The following CTDP1 variants were observed in gnomAD, a reference collection of about 807,000 sequenced individuals.
The protein encoded by CTDP1 is CTD phosphatase 1.
CTDP1 carries 47 observed loss-of-function variants against 91.8 expected under a neutral mutation model. The ratio of observed to expected loss-of-function variants is 0.51; its 90% confidence interval spans 0.41 to 0.65. The LOEUF (loss-of-function observed/expected upper bound fraction) is 0.65, where lower values mean the gene tolerates loss of function less well. Ranked by LOEUF, CTDP1 falls within the 30% of genes least tolerant of loss-of-function variation. The pLI is 0.00. For missense variants in CTDP1, 1,272 were observed against 1,373.7 expected (o/e 0.93, Z 1.17); for synonymous variants, 656 against 598.5 (o/e 1.10, Z -1.40).
chr18:79,699,922 T>C (rs1162141329), intron 4 of CTDP1, among the ~76,000 whole-genome samples: 2 of 152,198 alleles, frequency 1.3e-5, no homozygotes, highest in African/African-American at 4.8e-5. Flanking sequence ...GTCAGTGATC[T>C]TTGAGGTCAC....
rs140627086 is a variant in CTDP1, at chr18:79,717,873, G to C, written c.2274G>C (p.Pro758=). The C allele has an allele frequency of 1.9e-6, 3 of 1,613,568 alleles. No homozygotes were observed. The highest frequency in any genetic ancestry group is 1.7e-5 in the Admixed American group (1 of 60,022). ...EGVPPTALFH[P]MPVLPKAQPG... ...TGCCCCCCACCGCCTTGTTCCACCCGATGCCGGTTCTTCCCAAGGCCCAGC... is the reference window on the plus strand; with the variant it reads ...TGCCCCCCACCGCCTTGTTCCACCCCATGCCGGTTCTTCCCAAGGCCCAGC... The change falls in exon 10 of 13, where the codon CCG becomes CCC. Residue 758 remains proline (P), a synonymous_variant. Coordinates refer to ENST00000613122, the MANE Select transcript of CTDP1 (RefSeq NM_004715.5).
upstream of CTDP1, chr18:79,679,298 G>C: frequency 2.4e-6 from 1 of 413,460 alleles, no homozygotes; most frequent in Non-Finnish European, 5.0e-6. Flanking sequence ...GGGGGGACAC[G>C]AGGCGGGGCC....
At position 79,714,788 on chromosome 18, in the gene CTDP1, A is replaced by G. The variant is rs778117052; in HGVS notation, c.1328A>G (p.Gln443Arg). 6.2e-7 allele frequency: 1 copy of G among 1,603,834 alleles called. No individual in the cohort carries two copies. The highest frequency in any genetic ancestry group is 1.1e-5 in the South Asian group (1 of 89,678). Residue 443 changes from glutamine to arginine, a missense_variant, in exon 8 of 13, where the codon CAG becomes CGG. Gln to Arg is a conservative substitution (Grantham distance 43, BLOSUM62 1). Coordinates refer to ENST00000613122, the MANE Select transcript of CTDP1 (RefSeq NM_004715.5). ...GTGGCACCGGGACAGCGGCCTGCCCAGGGTGCCACGGGCACTGACCTGGAC... is the reference window on the plus strand; with the variant it reads ...GTGGCACCGGGACAGCGGCCTGCCCGGGGTGCCACGGGCACTGACCTGGAC... Reference protein sequence around the residue: ...GRVAPGQRPAQGATGTDLDFD... With the variant: ...GRVAPGQRPARGATGTDLDFD...
intron 1 of CTDP1, among the ~76,000 whole-genome samples, chr18:79,680,543 C>A (rs1249143508): frequency 6.6e-6 from 1 of 152,220 alleles, no homozygotes; most frequent in Non-Finnish European, 1.5e-5. Flanking sequence ...AGTGATAGTC[C>A]CCGCCCCTTC....
chr18:79,754,871 C>A, downstream of CTDP1: 1 of 152,464 alleles, frequency 6.6e-6, no homozygotes. Context: ...CCTCCTCCTC[C>A]CAGCATCAGT....
At chr18:79,690,213 A>G (rs1286119400) in intron 1 of CTDP1, among the ~76,000 whole-genome samples, 2 of 152,206 alleles carry the variant, frequency 1.3e-5, no homozygotes, top group Non-Finnish European at 2.9e-5. Context: ...GATGGCGTCC[A>G]TGGTCCAGGC....
At chr18:79,710,686 ATTTTTTTTTTTTTT>A (rs11306504) in intron 6 of CTDP1, among the ~76,000 whole-genome samples, 9 of 88,504 alleles carry the variant, frequency 1.0e-4, no homozygotes, top group Admixed American at 3.2e-4. Flanking sequence ...TCGCCCGGCA[ATTTTTTTTTTTTTT>A]TTTTTTTTTT....
At chr18:79,700,695 C>T (rs2085839931) in intron 4 of CTDP1, among the ~76,000 whole-genome samples, 1 of 152,248 alleles carries the variant, frequency 6.6e-6, no homozygotes, top group Non-Finnish European at 1.5e-5. Context: ...GCTGAGATCA[C>T]TGATGAAACT....
intron 6 of CTDP1, 69 bp from the exon 7 acceptor site, chr18:79,712,903 C>G (rs999846396): frequency 2.2e-5 from 33 of 1,534,794 alleles, no homozygotes; most frequent in African/African-American, 2.7e-5. Flanking sequence ...TAAACTGTTA[C>G]GCTTGGCAAG....
At chr18:79,754,916 G>A (rs2087072910), downstream of CTDP1, 1 of 152,228 alleles carries the variant, frequency 6.6e-6, no homozygotes, top group African/African-American at 2.4e-5. Flanking sequence ...GCACCTCGAG[G>A]CCACGGCCCT....
chr18:79,693,916 C>T (rs982708375), intron 1 of CTDP1, among the ~76,000 whole-genome samples: 3 of 148,534 alleles, frequency 2.0e-5, no homozygotes, highest in Admixed American at 6.6e-5. Context: ...ATGCAGGCTG[C>T]AGACCCGCCC....
intron 10 of CTDP1, among the ~76,000 whole-genome samples, chr18:79,727,249 C>A (rs2086467612): frequency 6.6e-6 from 1 of 152,214 alleles, no homozygotes; most frequent in South Asian, 2.1e-4. Context: ...GTGCAGTTGG[C>A]CCTTTGAACA....
At position 79,753,871 on chromosome 18, in the gene CTDP1, T is replaced by C; in HGVS notation, c.*81T>C. ...TCCCCGGACCAGCCCTCAGTCTCGG[T>C]CCACGCTGCTTTCTTCCCAAAGGAC... On this transcript the variant is annotated 3_prime_UTR_variant, in exon 13 of 13. Transcript: ENST00000613122. 6.5e-7 allele frequency: 1 copy of C among 1,532,520 alleles called. No individual in the cohort carries two copies. The highest frequency in any genetic ancestry group is 8.9e-7 in the Non-Finnish European group (1 of 1,128,264). 94.9% of individuals were successfully genotyped at this position (1,532,520 alleles called of 1,614,324 possible).
chr18:79,700,351 C>A (rs1005224560), intron 4 of CTDP1, among the ~76,000 whole-genome samples: 2 of 152,182 alleles, frequency 1.3e-5, no homozygotes, highest in African/African-American at 2.4e-5. Context: ...AGGAAAAGTT[C>A]TTGAAGCAAA....
chr18:79,723,992 C>T (rs2086396663), intron 10 of CTDP1, among the ~76,000 whole-genome samples: 2 of 152,246 alleles, frequency 1.3e-5, no homozygotes, highest in African/African-American at 2.4e-5. Flanking sequence ...TTTCACCGTT[C>T]ACCCTTTGAG....
chr18:79,705,409 C>T (rs1568187052), intron 5 of CTDP1, among the ~76,000 whole-genome samples: 3 of 152,164 alleles, frequency 2.0e-5, no homozygotes, highest in South Asian at 4.1e-4. Flanking sequence ...CAGGACGAAT[C>T]GAGGGGACAG....
chr18:79,695,856 G>A (rs1330784921), intron 2 of CTDP1, 121 bp from the exon 3 acceptor site: 2 of 815,646 alleles, frequency 2.5e-6, no homozygotes, highest in East Asian at 2.6e-5. Context: ...AATCAAGTCT[G>A]TGCTAAGATA....
chr18:79,740,876 C>T (rs530705665), intron 12 of CTDP1, among the ~76,000 whole-genome samples: 1 of 152,350 alleles, frequency 6.6e-6, no homozygotes, highest in Admixed American at 6.5e-5. Context: ...AAGTCATCTT[C>T]AGAATGTTTA....
At chr18:79,717,716 T>C (rs2086245807) in intron 9 of CTDP1, 40 bp downstream of exon 9, 1 of 1,613,910 alleles carries the variant, frequency 6.2e-7, no homozygotes, top group African/African-American at 1.3e-5. Flanking sequence ...TGCCAGGCGT[T>C]CCCTTGCTGG....
Sources: allele counts gnomAD v4.1 joint callset (sites outside exome capture counted in the v4.1 genomes callset), GRCh38; gene constraint gnomAD v4.1.1; transcripts MANE v1.5; gene names NCBI Gene and HGNC (gene_info 2026-07-23, HGNC 2026-07-21).